Variants in AGO1 observed in about 807,000 individuals in gnomAD.
AGO1 encodes the protein argonaute RISC component 1.
AGO1 carries 11 observed loss-of-function variants against 109.2 expected under a neutral mutation model. That is an observed-to-expected ratio of 0.10 (90% CI 0.06 to 0.17). The LOEUF (loss-of-function observed/expected upper bound fraction) is 0.17. Ranked by LOEUF, AGO1 falls within the 10% of genes least tolerant of loss-of-function variation. The pLI is 1.00. For synonymous variants in AGO1, 422 were observed against 418.6 expected (o/e 1.01, Z -0.10); for missense variants, 574 against 1,140.3 (o/e 0.50, Z 7.15).
chr1:35,883,245 T>C lies in AGO1; in HGVS notation c.-177T>C, dbSNP rs1571337095. On this transcript the variant is annotated 5_prime_UTR_variant, in exon 1 of 19. Coordinates refer to ENST00000373204, the MANE Select transcript of AGO1 (RefSeq NM_012199.5). The surrounding 1 kb of genome is among the most constrained non-coding windows in gnomAD (Gnocchi z 5.4). ...GCCGGGCGCTCGCAGTGGGAGCTGC[T>C]GCAGGCTCCGCGGCGGCGGCAACGG... 2.3e-6 allele frequency: 3 copies of C among 1,330,434 alleles called. No homozygotes were observed. The East Asian group carries it at 9.9e-5, about 44-fold the overall frequency. 82.4% of individuals were successfully genotyped at this position (1,330,434 alleles called of 1,614,324 possible). A position where few individuals can be genotyped will look rare whatever the true frequency, so the allele number is the denominator to read the frequency against.
chr1:35,915,177 T>C (rs1420266570), intron 14 of AGO1, among the ~76,000 whole-genome samples, 171 bp from the exon 15 acceptor site: 1 of 151,968 alleles, frequency 6.6e-6, no homozygotes, highest in African/African-American at 2.4e-5. Context: ...ATCAGAGAGA[T>C]TGAGTAACTT....
intron 11 of AGO1, among the ~76,000 whole-genome samples, chr1:35,903,928 C>A (rs1303923178): frequency 6.6e-6 from 1 of 151,328 alleles, no homozygotes; most frequent in Non-Finnish European, 1.5e-5. Flanking sequence ...GTGCCACTGC[C>A]CTCCAACGTG....
At chr1:35,914,492 G>C (rs1223149732) in intron 14 of AGO1, among the ~76,000 whole-genome samples, 1 of 152,130 alleles carries the variant, frequency 6.6e-6, no homozygotes, top group Non-Finnish European at 1.5e-5. Flanking sequence ...CCAGAGACTT[G>C]ACTCATTCTG....
intron 8 of AGO1, among the ~76,000 whole-genome samples, chr1:35,899,257 G>T (rs1421576912): frequency 6.6e-6 from 1 of 152,212 alleles, no homozygotes; most frequent in Non-Finnish European, 1.5e-5. Context: ...TCCGTTGTAT[G>T]TATATATCAT....
At chr1:35,875,613 T>G (rs1644986638) in intron 1 of AGO1, among the ~76,000 whole-genome samples, 1 of 152,028 alleles carries the variant, frequency 6.6e-6, no homozygotes, top group Non-Finnish European at 1.5e-5. Flanking sequence ...GGGGTTTCAC[T>G]ATGTTGGTCA....
chr1:35,913,526 C>G (rs575324939), intron 12 of AGO1, among the ~76,000 whole-genome samples: 1 of 152,188 alleles, frequency 6.6e-6, no homozygotes, highest in African/African-American at 2.4e-5. Context: ...CAAACTCCCC[C>G]TCTCCTCTAA....
chr1:35,899,071 C>A (rs1645370698), intron 8 of AGO1, among the ~76,000 whole-genome samples: 1 of 152,198 alleles, frequency 6.6e-6, no homozygotes, highest in Non-Finnish European at 1.5e-5. Flanking sequence ...TAACCCCTAG[C>A]AACCACCATT....
In AGO1 at chr1:35,901,043, G is replaced by A. The variant is rs530823271; in HGVS notation, c.1021-431G>A. 6.7e-6 allele frequency among the ~76,000 whole-genome samples: 1 copy of A among 149,928 alleles called. No individual in the cohort carries two copies. Among genetic ancestry groups the A allele is most frequent in the Non-Finnish European group, 1.5e-5 (1 of 67,766 alleles). ...GTCACCCAGGCTGGCGTTCAGTGGC[G>A]TGATCTGGGCTCACTGCAACCTCCG... On this transcript the variant is annotated intron_variant, in intron 8 of 18. Coordinates refer to ENST00000373204, the MANE Select transcript of AGO1 (RefSeq NM_012199.5). The surrounding 1 kb of genome is among the most constrained non-coding windows in gnomAD (Gnocchi z 4.8).
At chr1:35,909,068 TCGGCC>T in intron 12 of AGO1, among the ~76,000 whole-genome samples, 1 of 149,840 alleles carries the variant, frequency 6.7e-6, no homozygotes, top group Admixed American at 6.6e-5. Context: ...TCTGCCCGCC[TCGGCC>T]TCCCAAAGTG....
chr1:35,913,795 A>G, intron 12 of AGO1, 47 bp from the exon 13 acceptor site: 1 of 1,591,372 alleles, frequency 6.3e-7, no homozygotes, highest in Middle Eastern at 1.7e-4. Context: ...GTAGGCATTC[A>G]GTAAATATTT....
chr1:35,893,895 C>T lies in AGO1; in HGVS notation c.649+85C>T, dbSNP rs779396928. 6.7e-5 allele frequency: 103 copies of T among 1,546,246 alleles called. No individual in the cohort carries two copies. Among genetic ancestry groups the T allele is most frequent in the Non-Finnish European group, 8.9e-5 (101 of 1,141,158 alleles). On this transcript the variant is annotated intron_variant, in intron 5 of 18. Transcript: ENST00000373204. The surrounding 1 kb of genome is among the most constrained non-coding windows in gnomAD (Gnocchi z 5.6). ...CTCATCCCTCCCAGCTCTGCAACCA[C>T]ACTCCTAGTCTAATTCCTACAGCCC...
chr1:35,927,181 A>G lies in AGO1; in HGVS notation c.*7574A>G, dbSNP rs886809352. On this transcript the variant is annotated 3_prime_UTR_variant, in exon 19 of 19. Transcript: ENST00000373204. ...TACTTAGCTAGGTGTTTTCTACAGT[A>G]TCTTATATAATTGCATCTTACAGCA... The G allele has an allele frequency of 1.3e-5, 2 of 152,156 alleles. No individual in the cohort carries two copies. The highest frequency in any genetic ancestry group is 2.4e-5 in the African/African-American group (1 of 41,436). 9.4% of individuals were successfully genotyped at this position (152,156 alleles called of 1,614,324 possible). A position where few individuals can be genotyped will look rare whatever the true frequency, so the allele number is the denominator to read the frequency against.
At chr1:35,906,866 T>C in intron 11 of AGO1, 69 bp from the exon 12 acceptor site, 1 of 1,407,888 alleles carries the variant, frequency 7.1e-7, no homozygotes, top group Non-Finnish European at 9.8e-7. Context: ...GCACCTAAGA[T>C]GGATGGATTT....
At chr1:35,897,056 C>T (rs1389388678) in intron 8 of AGO1, among the ~76,000 whole-genome samples, 3 of 152,184 alleles carry the variant, frequency 2.0e-5, no homozygotes, top group African/African-American at 7.2e-5. Context: ...CATATACTCT[C>T]AGGTGCTAGG....
At chr1:35,897,041 T>G (rs186169125) in intron 8 of AGO1, among the ~76,000 whole-genome samples, 4 of 152,342 alleles carry the variant, frequency 2.6e-5, no homozygotes, top group Middle Eastern at 3.4e-3. Context: ...GCTCCTACTA[T>G]GTGTCATATA....
intron 12 of AGO1, 27 bp from the exon 13 acceptor site, chr1:35,913,815 A>G (rs1645685426): frequency 1.2e-6 from 2 of 1,609,650 alleles, no homozygotes; most frequent in East Asian, 2.2e-5. Context: ...TGTTGAATGC[A>G]CTAATCATTT....
At position 35,901,996 on chromosome 1, in the gene AGO1, A is replaced by T; in HGVS notation, c.1189A>T (p.Ile397Phe). ...AGATCCCTACATCCAGGAATTTGGG[A>T]TCAAAGTGAAGGATGACATGACGGA... ...NLDPYIQEFG[I>F]KVKDDMTEVT... The change falls in exon 10 of 19, where the codon ATC (isoleucine) becomes TTC (phenylalanine). Residue 397 changes from isoleucine (I) to phenylalanine (F), a missense_variant. By Grantham distance (21) the Ile-to-Phe change is conservative. Transcript: ENST00000373204. The surrounding 1 kb of genome is among the most constrained non-coding windows in gnomAD (Gnocchi z 4.8). The T allele has an allele frequency of 6.2e-7, 1 of 1,611,322 alleles. No individual in the cohort carries two copies. The highest frequency in any genetic ancestry group is 8.5e-7 in the Non-Finnish European group (1 of 1,178,774).
At chr1:35,918,478 T>C (rs1460160758) in intron 17 of AGO1, 55 bp downstream of exon 17, 1 of 1,311,854 alleles carries the variant, frequency 7.6e-7, no homozygotes, top group Non-Finnish European at 1.1e-6. Flanking sequence ...TGTTCATTCA[T>C]ATTGCCTCTA....
intron 12 of AGO1, among the ~76,000 whole-genome samples, chr1:35,908,035 T>G (rs1449727739): frequency 2.0e-5 from 3 of 152,202 alleles, no homozygotes; most frequent in Non-Finnish European, 2.9e-5. Context: ...CTAAAGGATT[T>G]CTTGAGCCCA....
Sources: gnomAD v4.1 joint callset for allele counts (sites outside exome capture counted in the v4.1 genomes callset) on GRCh38, gnomAD v4.1.1 for gene constraint, Gnocchi (gnomAD v3.1) non-coding constraint, MANE v1.5 for transcripts, NCBI Gene and HGNC (gene_info 2026-07-23, HGNC 2026-07-21) for gene names.